Variants in SBF2 observed in about 807,000 individuals in gnomAD.
The protein encoded by SBF2 is myotubularin-related protein 13.
Under a neutral mutation model 225.2 loss-of-function variants are expected in SBF2, and 112 were observed. The observed-to-expected ratio is 0.50, with a 90% CI of 0.43 to 0.58. The LOEUF (loss-of-function observed/expected upper bound fraction) is 0.58. SBF2 is among the 20% of genes least tolerant of loss of function. The pLI is 0.00. For synonymous variants in SBF2, 763 were observed against 773.3 expected (o/e 0.99, Z 0.22); for missense variants, 1,996 against 2,206.2 (o/e 0.90, Z 1.91).
At chr11:10,028,429 T>C (rs1192664536) in intron 6 of SBF2, 23 bp downstream of exon 6, 2 of 1,432,396 alleles carry the variant, frequency 1.4e-6, no homozygotes, top group Admixed American at 1.7e-5. Context: ...AAGATGACAT[T>C]GAAAATGGGA....
At position 9,790,616 on chromosome 11, in the gene SBF2, G is replaced by A. The variant is rs756538097; in HGVS notation, c.4638C>T (p.Asp1546=). ...KKGVCIWECI[D]RMHKRSPIFF... is the part of the protein sequence containing the mutation. ...AAATGGGACTCCTCTTGTGCATTCT[G>A]TCAATACATTCCCAAATACAGACTC... The change falls in exon 34 of 40, where the codon GAC becomes GAT. Residue 1546 remains aspartate, a synonymous_variant. Coordinates refer to ENST00000256190, the MANE Select transcript of SBF2 (RefSeq NM_030962.4). 9.4e-6 allele frequency: 15 copies of A among 1,589,080 alleles called. No individual in the cohort carries two copies. In the East Asian group the frequency reaches 2.9e-4, roughly 31 times the overall value.
chr11:10,196,945 G>A (rs1210355666), intron 1 of SBF2, among the ~76,000 whole-genome samples: 1 of 147,728 alleles, frequency 6.8e-6, no homozygotes, highest in East Asian at 2.0e-4. Flanking sequence ...TTTACAAAGG[G>A]CCTTAAATGT....
chr11:9,967,935 GTCTGTCTGTCTGTCTCTCTC>G (rs1286687054), intron 14 of SBF2, among the ~76,000 whole-genome samples: 55 of 114,584 alleles, frequency 4.8e-4, no homozygotes, highest in African/African-American at 1.4e-3. Context: ...CTGTCTGTCT[GTCTGTCTGTCTGTCTCTCTC>G]TCTCTCTCTC....
intron 20 of SBF2, 108 bp downstream of exon 20, chr11:9,853,432 A>C (rs1857102222): frequency 2.1e-6 from 2 of 967,332 alleles, no homozygotes; most frequent in Non-Finnish European, 3.3e-6. Context: ...TCAGAAAATA[A>C]ATAAATAGCA....
chr11:10,013,348 T>C (rs993410609), intron 6 of SBF2, among the ~76,000 whole-genome samples: 1 of 152,242 alleles, frequency 6.6e-6, no homozygotes, highest in Admixed American at 6.5e-5. Flanking sequence ...CCAGCCCTAC[T>C]CTGCCACTAC....
At position 9,968,479 on chromosome 11, in the gene SBF2, C is replaced by T; in HGVS notation, c.1462G>A (p.Val488Ile). 1 of 1,614,074 alleles carries T rather than the reference C, an allele frequency of 6.2e-7. No individual in the cohort carries two copies. Among genetic ancestry groups the T allele is most frequent in the Non-Finnish European group, 8.5e-7 (1 of 1,179,998 alleles). ...ATCTCTGGGAAAGGAAGAATATGAA[C>T]TCGCAAATGGGATCCTTCTGTTGGC... The part of the protein sequence containing the change: ...PRPTEGSHLR[V>I]HILPFPEINE... The change falls in exon 14 of 40, where the codon GTT becomes ATT. Residue 488 changes from valine to isoleucine, a missense_variant. Val to Ile is a conservative substitution (Grantham distance 29). Transcript: ENST00000256190.
intron 25 of SBF2, among the ~76,000 whole-genome samples, chr11:9,839,998 G>A (rs1380036793): frequency 6.6e-6 from 1 of 152,216 alleles, no homozygotes; most frequent in Non-Finnish European, 1.5e-5. Context: ...GCACTGGGAG[G>A]CTGAGGTGGG....
chr11:9,973,278 T>C (rs1946540253), intron 13 of SBF2, among the ~76,000 whole-genome samples: 1 of 152,226 alleles, frequency 6.6e-6, no homozygotes, highest in Non-Finnish European at 1.5e-5. Context: ...GTCACCAAGC[T>C]CATTAAAAGC....
chr11:9,793,933 G>A, intron 33 of SBF2, among the ~76,000 whole-genome samples: 1 of 152,166 alleles, frequency 6.6e-6, no homozygotes, highest in East Asian at 1.9e-4. Flanking sequence ...AAGGTAATTT[G>A]CTGATCAGCT....
chr11:10,072,771 G>C (rs1414010104), intron 2 of SBF2, among the ~76,000 whole-genome samples: 5 of 120,110 alleles, frequency 4.2e-5, no homozygotes, highest in Non-Finnish European at 8.3e-5. Flanking sequence ...TCATTCTGTT[G>C]CCCAGGCTGG....
intron 16 of SBF2, among the ~76,000 whole-genome samples, chr11:9,912,689 G>A (rs906289579): frequency 6.6e-6 from 1 of 152,174 alleles, no homozygotes; most frequent in African/African-American, 2.4e-5. Flanking sequence ...CCAAAAGATT[G>A]GACATTCCTG....
chr11:10,097,453 G>A (rs1263096131), intron 2 of SBF2, among the ~76,000 whole-genome samples: 1 of 152,066 alleles, frequency 6.6e-6, no homozygotes, highest in Non-Finnish European at 1.5e-5. Flanking sequence ...TACTTTCCAG[G>A]CAAGTGCCTG....
intron 16 of SBF2, among the ~76,000 whole-genome samples, chr11:9,921,164 G>A (rs1356728074): frequency 6.8e-6 from 1 of 147,880 alleles, no homozygotes; most frequent in South Asian, 2.1e-4. Flanking sequence ...TCCACCTCTC[G>A]GGTTCAAGCG....
intron 2 of SBF2, among the ~76,000 whole-genome samples, chr11:10,081,654 G>A (rs1280127755): frequency 1.3e-5 from 2 of 151,840 alleles, no homozygotes; most frequent in African/African-American, 4.8e-5. Context: ...TAGCTACTCG[G>A]GAGGCTGAGG....
chr11:10,194,035 A>G (rs754800634), intron 1 of SBF2, 48 bp from the exon 2 acceptor site: 9 of 1,129,930 alleles, frequency 8.0e-6, no homozygotes, highest in East Asian at 2.4e-5. Context: ...ACTAAAAACT[A>G]CAAATACTCA....
intron 2 of SBF2, among the ~76,000 whole-genome samples, chr11:10,133,351 A>G (rs1565268056): frequency 1.3e-5 from 2 of 149,418 alleles, no homozygotes; most frequent in African/African-American, 2.5e-5. Flanking sequence ...GCCGTGGAGC[A>G]GGGGGTGGTG....
Position 10,220,836 on chromosome 11 carries a change from C to T in SBF2, c.56-26849G>A, listed in dbSNP as rs189974055. ...CTTGCAATTCTTCCAACCTGTCATTCATTGTTAGGCCCCCACATACATATT... is the reference window on the plus strand; with the variant it reads ...CTTGCAATTCTTCCAACCTGTCATTTATTGTTAGGCCCCCACATACATATT... On this transcript the variant is annotated intron_variant, in intron 1 of 39. Coordinates refer to ENST00000256190, the MANE Select transcript of SBF2 (RefSeq NM_030962.4). Among the ~76,000 whole-genome samples the T allele has an allele frequency of 6.7e-4, 102 of 152,286 alleles. 1 individual carries two copies. The highest frequency in any genetic ancestry group is 1.2e-3 in the Non-Finnish European group (85 of 68,030).
intron 13 of SBF2, among the ~76,000 whole-genome samples, chr11:9,974,960 CAAAAAAAAAAAAAAAA>C (rs1166081188): frequency 1.7e-4 from 4 of 23,268 alleles, no homozygotes; most frequent in Admixed American, 8.1e-4. Context: ...AACTTTGACT[CAAAAAAAAAAAAAAAA>C]AAAAAAAAAA....
intron 1 of SBF2, among the ~76,000 whole-genome samples, chr11:10,279,136 G>A (rs1963212902): frequency 7.3e-6 from 1 of 136,062 alleles, no homozygotes; most frequent in African/African-American, 2.6e-5. Context: ...AAAAAGCCAG[G>A]CGTGGTGGCT....
Sources: gnomAD v4.1 joint callset for allele counts (sites outside exome capture counted in the v4.1 genomes callset) on GRCh38, gnomAD v4.1.1 for gene constraint, MANE v1.5 for transcripts, NCBI Gene and HGNC (gene_info 2026-07-23, HGNC 2026-07-21) for gene names.